Variants in RUNX2 observed in about 807,000 individuals in gnomAD.
The protein encoded by RUNX2 is RUNX family transcription factor 2, also known as runt-related transcription factor 2.
Under a neutral mutation model 51.7 loss-of-function variants are expected in RUNX2, and 10 were observed. The ratio of observed to expected loss-of-function variants is 0.19; its 90% CI spans 0.12 to 0.33. The LOEUF is 0.33. Ranked by LOEUF, RUNX2 falls within the 10% of genes least tolerant of loss-of-function variation. The pLI is 1.00. For synonymous variants in RUNX2, 276 were observed against 273.6 expected (o/e 1.01, Z -0.09); for missense variants, 562 against 691.3 (o/e 0.81, Z 2.10).
intron 2 of RUNX2, among the ~76,000 whole-genome samples, chr6:45,340,187 A>T (rs1377520105): frequency 6.6e-6 from 1 of 152,212 alleles, no homozygotes; most frequent in Non-Finnish European, 1.5e-5. Flanking sequence ...TAAACCAATA[A>T]AATACAAACA....
chr6:45,362,060 C>T (rs1794357924), intron 2 of RUNX2, among the ~76,000 whole-genome samples: 1 of 152,044 alleles, frequency 6.6e-6, no homozygotes, highest in African/African-American at 2.4e-5. Context: ...TCAAAAACAA[C>T]AACAACAACA....
At chr6:45,416,001 G>T (rs1445308860) in intron 2 of RUNX2, among the ~76,000 whole-genome samples, 2 of 152,156 alleles carry the variant, frequency 1.3e-5, no homozygotes, top group Admixed American at 6.5e-5. Flanking sequence ...ATGAGTCATT[G>T]CTTTTAGAAA....
chr6:45,535,298 C>T (rs1046373785), intron 7 of RUNX2, among the ~76,000 whole-genome samples: 1 of 152,016 alleles, frequency 6.6e-6, no homozygotes, highest in Admixed American at 6.6e-5. Flanking sequence ...GCTTCCCCAG[C>T]ACACTTATAA....
At chr6:45,503,021 T>G (rs1472309251) in intron 6 of RUNX2, among the ~76,000 whole-genome samples, 2 of 152,196 alleles carry the variant, frequency 1.3e-5, no homozygotes, top group Non-Finnish European at 2.9e-5. Flanking sequence ...GACACGGGCC[T>G]AAAGCCCTCT....
chr6:45,502,583 T>C (rs967602721), intron 6 of RUNX2, among the ~76,000 whole-genome samples: 4 of 152,054 alleles, frequency 2.6e-5, no homozygotes, highest in Non-Finnish European at 4.4e-5. Flanking sequence ...TGAGGCCATC[T>C]CAGGAGCCTC....
chr6:45,342,262 C>T (rs1789943863), intron 2 of RUNX2, among the ~76,000 whole-genome samples: 1 of 151,868 alleles, frequency 6.6e-6, no homozygotes, highest in African/African-American at 2.4e-5. Flanking sequence ...ATATATAACA[C>T]AATCTCAATT....
At chr6:45,524,463 G>A (rs1272962580) in intron 7 of RUNX2, among the ~76,000 whole-genome samples, 5 of 151,948 alleles carry the variant, frequency 3.3e-5, no homozygotes, top group Admixed American at 6.6e-5. Context: ...TCGCCATCTC[G>A]CGCTGTACCC....
intron 2 of RUNX2, among the ~76,000 whole-genome samples, chr6:45,346,688 C>T (rs545508044): frequency 3.9e-5 from 6 of 152,016 alleles, no homozygotes; most frequent in African/African-American, 1.4e-4. Context: ...TTGCCTCTGC[C>T]TGACTAGCTG....
intron 5 of RUNX2, among the ~76,000 whole-genome samples, chr6:45,446,007 A>T (rs1420715740): frequency 2.6e-5 from 4 of 152,180 alleles, no homozygotes; most frequent in Admixed American, 6.5e-5. Context: ...GTTGTGCAAC[A>T]TTCTGTGGAA....
chr6:45,485,945 GA>G (rs1380941748), intron 5 of RUNX2, among the ~76,000 whole-genome samples: 1 of 151,398 alleles, frequency 6.6e-6, no homozygotes, highest in Non-Finnish European at 1.5e-5. Flanking sequence ...TTTTTATTAT[GA>G]AAAATTTCAA....
At chr6:45,538,848 A>C (rs1010382928) in intron 7 of RUNX2, among the ~76,000 whole-genome samples, 1 of 152,136 alleles carries the variant, frequency 6.6e-6, no homozygotes, top group Non-Finnish European at 1.5e-5. Context: ...TCAGGATGTG[A>C]CAGGGCAGTC....
At chr6:45,510,689 C>T (rs566601395) in intron 6 of RUNX2, among the ~76,000 whole-genome samples, 1 of 151,422 alleles carries the variant, frequency 6.6e-6, no homozygotes, top group Non-Finnish European at 1.5e-5. Flanking sequence ...TGTATTAACT[C>T]CAGTTCAGAT....
intron 2 of RUNX2, chr6:45,361,455 AAGAACTCAG>A (rs1184701470): frequency 6.6e-6 from 1 of 152,224 alleles, no homozygotes; most frequent in Non-Finnish European, 1.5e-5. Flanking sequence ...TAAAGTAAGG[AAGAACTCAG>A]AGAACTCAGT....
intron 5 of RUNX2, among the ~76,000 whole-genome samples, chr6:45,452,727 T>C (rs1410641444): frequency 6.6e-6 from 1 of 152,022 alleles, no homozygotes; most frequent in Non-Finnish European, 1.5e-5. Flanking sequence ...ACTAAGTGCA[T>C]ACAATTTTCT....
At position 45,416,397 on chromosome 6, in the gene RUNX2, A is replaced by G. The variant is rs11964020; in HGVS notation, c.59-6196A>G. ...AGTCACTGCCCTAATGCCTAAAGTG[A>G]AACTTTGGAACCTTGGGCAGTGAGA... On this transcript the variant is annotated intron_variant, in intron 2 of 8. Coordinates refer to ENST00000647337, the MANE Select transcript of RUNX2 (RefSeq NM_001024630.4). Among the ~76,000 whole-genome samples the G allele has an allele frequency of 9.5e-3, 1,445 of 152,292 alleles. 14 individuals are homozygous for G. The highest frequency in any genetic ancestry group is 0.015 in the Non-Finnish European group (1,022 of 68,018).
At chr6:45,380,865 G>A (rs1445216354) in intron 2 of RUNX2, among the ~76,000 whole-genome samples, 4 of 152,144 alleles carry the variant, frequency 2.6e-5, no homozygotes, top group Non-Finnish European at 5.9e-5. Context: ...GTCAGCCACC[G>A]CACCCGGCCA....
At chr6:45,394,428 G>A (rs531618672) in intron 2 of RUNX2, among the ~76,000 whole-genome samples, 42 of 152,228 alleles carry the variant, frequency 2.8e-4, no homozygotes, top group African/African-American at 4.8e-4. Flanking sequence ...TTTTAGCCTC[G>A]CCTGTTGTCT....
chr6:45,350,835 G>C (rs1004583065), intron 2 of RUNX2, among the ~76,000 whole-genome samples: 1 of 152,054 alleles, frequency 6.6e-6, no homozygotes, highest in Non-Finnish European at 1.5e-5. Flanking sequence ...ATTTTCAGAC[G>C]GATTTATAAT....
intron 7 of RUNX2, among the ~76,000 whole-genome samples, chr6:45,515,996 A>C (rs976246019): frequency 4.6e-5 from 7 of 152,152 alleles, no homozygotes; most frequent in Non-Finnish European, 5.9e-5. Context: ...CTACCTAAAG[A>C]CCTTCAGAGA....
Sources: allele counts gnomAD v4.1 joint callset (sites outside exome capture counted in the v4.1 genomes callset), GRCh38; gene constraint gnomAD v4.1.1; transcripts MANE v1.5; gene names NCBI Gene and HGNC (gene_info 2026-07-23, HGNC 2026-07-21).